SLC46A1: variants seen among roughly 807,000 people sequenced by gnomAD.
SLC46A1 encodes proton-coupled folate transporter.
Under a neutral mutation model 32.1 loss-of-function variants are expected in SLC46A1, and 17 were observed. The observed-to-expected ratio is 0.53, with a 90% CI of 0.36 to 0.79. The LOEUF (loss-of-function observed/expected upper bound fraction) is 0.79. SLC46A1 is among the 30% of genes least tolerant of loss of function. The probability of loss-of-function intolerance (pLI) is 0.00; values close to 1 mark genes in which losing one functional copy is unlikely to be tolerated. For missense variants in SLC46A1, 517 were observed against 588.2 expected (o/e 0.88, Z 1.25); for synonymous variants, 240 against 262.7 (o/e 0.91, Z 0.84).
chr17:28,404,448 G>T, intron 2 of SLC46A1, 168 bp downstream of exon 2: 1 of 815,434 alleles, frequency 1.2e-6, no homozygotes, highest in Non-Finnish European at 2.0e-6. Flanking sequence ...TATCAAAGAT[G>T]GCATTTTTGA....
intron 2 of SLC46A1, 179 bp downstream of exon 2, chr17:28,404,437 G>A (rs1453082842): frequency 8.2e-6 from 6 of 729,946 alleles, no homozygotes; most frequent in Middle Eastern, 2.3e-4. Flanking sequence ...TATTTTCCAT[G>A]TATCAAAGAT....
In SLC46A1 at chr17:28,404,893, G is replaced by T; in HGVS notation, c.804C>A (p.Ala268=). 6.2e-7 allele frequency: 1 copy of T among 1,614,046 alleles called. No individual in the cohort carries two copies. The highest frequency in any genetic ancestry group is 8.5e-7 in the Non-Finnish European group (1 of 1,179,906). The change falls in exon 2 of 5, where the codon GCC becomes GCA. Residue 268 remains alanine, a synonymous_variant. Coordinates refer to ENST00000612814, the MANE Select transcript of SLC46A1 (RefSeq NM_080669.6). ...PAPEKSRKHL[A]LYSLAIFVVI... is the part of the protein sequence containing the mutation. ...CCACGAAGATGGCCAGTGAGTAGAG[G>T]GCTAAATGTTTCCTGGACTTCTCTG...
At position 28,396,419 on chromosome 17, in the gene SLC46A1, G is replaced by T; in HGVS notation, c.*3237C>A. The T allele has an allele frequency of 9.9e-7, 1 of 1,011,740 alleles. No individual in the cohort carries two copies. Among genetic ancestry groups the T allele is most frequent in the Non-Finnish European group, 1.5e-6 (1 of 681,890 alleles). 62.7% of individuals were successfully genotyped at this position (1,011,740 alleles called of 1,614,324 possible). On this transcript the variant is annotated 3_prime_UTR_variant, in exon 5 of 5. Coordinates refer to ENST00000612814, the MANE Select transcript of SLC46A1 (RefSeq NM_080669.6). ...TTAGGAAATGGCTCTCCCTCCCCCTGTCCCCCACCCTCATGGCCCACCTCC... is the reference window on the plus strand; with the variant it reads ...TTAGGAAATGGCTCTCCCTCCCCCTTTCCCCCACCCTCATGGCCCACCTCC...
In SLC46A1 at chr17:28,404,830, G is replaced by C. The variant is rs782194324; in HGVS notation, c.867C>G (p.Thr289=). The C allele has an allele frequency of 1.2e-6, 2 of 1,613,986 alleles. No individual in the cohort carries two copies. The highest frequency in any genetic ancestry group is 2.2e-5 in the East Asian group (1 of 44,882). ...TVHFGAQDIL[T]LYELSTPLCW... ...AGAGGGGTGTGCTTAGTTCATAAAG[G>C]GTTAAGATGTCCTGGGCCCCAAAGT... Residue 289 remains threonine (T), a synonymous_variant, in exon 2 of 5, where the codon ACC becomes ACG. Transcript: ENST00000612814.
rs1555590418 is a variant in SLC46A1, at chr17:28,404,664, C to T, written c.1033G>A (p.Gly345Arg). Residue 345 changes from glycine to arginine, a missense_variant, in exon 2 of 5, where the codon GGG becomes AGG. Gly to Arg is a moderately radical substitution (Grantham distance 125). Coordinates refer to ENST00000612814, the MANE Select transcript of SLC46A1 (RefSeq NM_080669.6). Reference sequence around the variant, plus strand: ...GTGGCAAAGGCAAAGACCACCATCCCCAGGATGTTGAAGGCCAGGCCGATC... The same window carrying T: ...GTGGCAAAGGCAAAGACCACCATCCTCAGGATGTTGAAGGCCAGGCCGATC... Reference protein sequence around the residue: ...AEIGLAFNILGMVVFAFATIT... With the variant: ...AEIGLAFNILRMVVFAFATIT... 1 of 1,612,860 alleles carries T rather than the reference C, an allele frequency of 6.2e-7. No individual in the cohort carries two copies. The highest frequency in any genetic ancestry group is 1.1e-5 in the South Asian group (1 of 91,054).
Position 28,402,296 on chromosome 17 carries a change from T to C in SLC46A1, c.1107A>G (p.Leu369=). The C allele has an allele frequency of 1.2e-6, 2 of 1,613,570 alleles. No homozygotes were observed. Among genetic ancestry groups the C allele is most frequent in the Non-Finnish European group, 1.7e-6 (2 of 1,179,730 alleles). ...TAGCCCGGATGACAGGTGTGATGAC[T>C]AATGACAGGAAAAGCAACCCATATC... ...FTGYGLLFLS[L]VITPVIRAKL... Residue 369 remains leucine, a synonymous_variant, in exon 3 of 5, where the codon TTA becomes TTG. Transcript: ENST00000612814.
At position 28,397,490 on chromosome 17, in the gene SLC46A1, C is replaced by T. The variant is rs2068141529; in HGVS notation, c.*2166G>A. ...ACCTGGTATTATCATCCCCATTTTACAGATAATGACACTGAGGCTCAGAAA... is the reference window on the plus strand; with the variant it reads ...ACCTGGTATTATCATCCCCATTTTATAGATAATGACACTGAGGCTCAGAAA... On this transcript the variant is annotated 3_prime_UTR_variant, in exon 5 of 5. Transcript: ENST00000612814. The T allele has an allele frequency of 6.6e-6, 1 of 152,236 alleles. No individual in the cohort carries two copies. Among genetic ancestry groups the T allele is most frequent in the East Asian group, 1.9e-4 (1 of 5,200 alleles). 9.4% of individuals were successfully genotyped at this position (152,236 alleles called of 1,614,324 possible).
At position 28,405,432 on chromosome 17, in the gene SLC46A1, T is replaced by C. The variant is rs566216707; in HGVS notation, c.265A>G (p.Met89Val). ...ETLTSHWTLY[M>V]NVGGFLVGLF... ...CCCACCAGGAAGCCGCCCACGTTCATGTAGAGGGTCCAGTGGGAGGTAAGG... is the reference window on the plus strand; with the variant it reads ...CCCACCAGGAAGCCGCCCACGTTCACGTAGAGGGTCCAGTGGGAGGTAAGG... Residue 89 changes from methionine to valine, a missense_variant, in exon 2 of 5, where the codon ATG (methionine) becomes GTG (valine). Transcript: ENST00000612814. 6 of 1,595,406 alleles carry C rather than the reference T, an allele frequency of 3.8e-6. No homozygotes were observed. In the South Asian group the frequency reaches 4.6e-5, roughly 12 times the overall value.
In SLC46A1 at chr17:28,406,182, A is replaced by G. The variant is rs1555591424; in HGVS notation, c.-68T>C. 19 of 1,203,710 alleles carry G rather than the reference A, an allele frequency of 1.6e-5. No homozygotes were observed. The highest frequency in any genetic ancestry group is 2.0e-5 in the Non-Finnish European group (19 of 936,434). The allele number at this position is 1,203,710 out of a possible 1,614,324, so 74.6% of individuals were successfully genotyped here. A position where few individuals can be genotyped will look rare whatever the true frequency, so the allele number is the denominator to read the frequency against. ...CGCGAGCGACTCGCTGCCTGGGACC[A>G]GCGACGCGTGGCGTGGGGCTTGCGC... On this transcript the variant is annotated 5_prime_UTR_variant, in exon 1 of 5. Coordinates refer to ENST00000612814, the MANE Select transcript of SLC46A1 (RefSeq NM_080669.6). The surrounding 1 kb of genome is among the most constrained non-coding windows in gnomAD (Gnocchi z 4.5).
rs1031702944 is a variant in SLC46A1 at position 28,395,371 on chromosome 17, A to G, written c.*4285T>C. ...AGGTGTGGATGCCATGCCTTCTACC[A>G]CCTTCCCAGCACCTACACCTGTTTA... On this transcript the variant is annotated 3_prime_UTR_variant, in exon 5 of 5. Transcript: ENST00000612814. 3 of 154,204 alleles carry G rather than the reference A, an allele frequency of 1.9e-5. No homozygotes were observed. The highest frequency in any genetic ancestry group is 7.3e-5 in the African/African-American group (3 of 41,356). The allele number at this position is 154,204 out of a possible 1,614,324, so 9.6% of individuals were successfully genotyped here.
At position 28,399,664 on chromosome 17, in the gene SLC46A1, T is replaced by A; in HGVS notation, c.1372A>T (p.Ser458Cys). 3 of 1,613,956 alleles carry A rather than the reference T, an allele frequency of 1.9e-6. No individual in the cohort carries two copies. Among genetic ancestry groups the A allele is most frequent in the Non-Finnish European group, 2.5e-6 (3 of 1,179,874 alleles). The part of the protein sequence containing the change: ...PHLEFQQFPQ[S>C]P ...CTTCTGGTCCAGGCAGATCAGGGGC[T>A]CTGGGGAAACTGCTGGAACTCGAGG... Residue 458 changes from serine to cysteine, a missense_variant, in exon 5 of 5, where the codon AGC (serine) becomes TGC (cysteine). Physicochemically the swap from Ser to Cys is moderately radical, Grantham distance 112. Coordinates refer to ENST00000612814, the MANE Select transcript of SLC46A1 (RefSeq NM_080669.6).
chr17:28,400,458 C>T (rs1555589284), intron 4 of SLC46A1, 152 bp downstream of exon 4: 7 of 955,666 alleles, frequency 7.3e-6, no homozygotes. Flanking sequence ...GAGGATTAGG[C>T]AGCCATCTGC....
At chr17:28,402,366 GGGGCGTCCAAGGGAAA>G in intron 2 of SLC46A1, 45 bp from the exon 3 acceptor site, 1 of 1,552,718 alleles carries the variant, frequency 6.4e-7, no homozygotes, top group Non-Finnish European at 8.8e-7. Flanking sequence ...GCTGGGGAGA[GGGGCGTCCAAGGGAAA>G]GGCAGCAGAG....
intron 2 of SLC46A1, chr17:28,403,016 A>G (rs1300153511): frequency 6.6e-6 from 1 of 152,246 alleles, no homozygotes; most frequent in Non-Finnish European, 1.5e-5. Flanking sequence ...GAGGAGAGTC[A>G]ATGTGAGCAC....
chr17:28,405,793 C>G (rs1378902813), intron 1 of SLC46A1, 94 bp downstream of exon 1: 8 of 1,337,098 alleles, frequency 6.0e-6, no homozygotes, highest in Non-Finnish European at 7.1e-6. Flanking sequence ...CCTCCAGTTA[C>G]CCGCCACTAC....
Position 28,399,591 on chromosome 17 carries a change from G to A in SLC46A1, c.*65C>T, listed in dbSNP as rs782807118. ...CCTGCTGTGGGCTGGGCTTCCAGCT[G>A]CAGACCTCCAGTTGCTTGGTGTTCA... is the stretch of plus-strand genomic sequence containing the variant. On this transcript the variant is annotated 3_prime_UTR_variant, in exon 5 of 5. Coordinates refer to ENST00000612814, the MANE Select transcript of SLC46A1 (RefSeq NM_080669.6). The A allele has an allele frequency of 8.4e-6, 13 of 1,552,502 alleles. No homozygotes were observed. Among genetic ancestry groups the A allele is most frequent in the South Asian group, 1.1e-5 (1 of 89,192 alleles).
chr17:28,395,666 A>C lies in SLC46A1; in HGVS notation c.*3990T>G. 1 of 487,956 alleles carries C rather than the reference A, an allele frequency of 2.0e-6. No individual in the cohort carries two copies. Among genetic ancestry groups the C allele is most frequent in the African/African-American group, 1.9e-5 (1 of 51,730 alleles). 30.2% of individuals were successfully genotyped at this position (487,956 alleles called of 1,614,324 possible). On this transcript the variant is annotated 3_prime_UTR_variant, in exon 5 of 5. Coordinates refer to ENST00000612814, the MANE Select transcript of SLC46A1 (RefSeq NM_080669.6). Reference sequence around the variant, plus strand: ...AATCATCTCTTTAGCATACAAAGACACTCATCACTCAAGAGATTCCAAGGG... The same window carrying C: ...AATCATCTCTTTAGCATACAAAGACCCTCATCACTCAAGAGATTCCAAGGG...
At chr17:28,405,765 C>A (rs2068253019) in intron 1 of SLC46A1, 122 bp downstream of exon 1, 1 of 1,175,248 alleles carries the variant, frequency 8.5e-7, no homozygotes, top group African/African-American at 1.5e-5. Context: ...TCCCGCCCAC[C>A]ATCCAAAATG....
Position 28,397,257 on chromosome 17 carries a change from A to G in SLC46A1, c.*2399T>C, listed in dbSNP as rs2068138100. The G allele has an allele frequency of 6.6e-6, 1 of 152,556 alleles. No homozygotes were observed. The highest frequency in any genetic ancestry group is 2.4e-5 in the African/African-American group (1 of 41,466). 9.5% of individuals were successfully genotyped at this position (152,556 alleles called of 1,614,324 possible). A position where few individuals can be genotyped will look rare whatever the true frequency, so the allele number is the denominator to read the frequency against. ...GGTTGTCACTTAGGGCAGCTTCTCC[A>G]ACTTTAACATGCATCCAAGTCACCT... On this transcript the variant is annotated 3_prime_UTR_variant, in exon 5 of 5. Coordinates refer to ENST00000612814, the MANE Select transcript of SLC46A1 (RefSeq NM_080669.6).
Sources: gnomAD v4.1 joint callset for allele counts on GRCh38, gnomAD v4.1.1 for gene constraint, Gnocchi (gnomAD v3.1) non-coding constraint, MANE v1.5 for transcripts, NCBI Gene and HGNC (gene_info 2026-07-23, HGNC 2026-07-21) for gene names.